CCDC39: variants seen among roughly 807,000 people sequenced by gnomAD.
CCDC39 encodes coiled-coil domain 39 molecular ruler complex subunit.
A neutral mutation model predicts 121.0 loss-of-function variants in CCDC39; 113 were observed. The observed-to-expected ratio is 0.93, with a 90% CI of 0.80 to 1.09. The LOEUF is 1.09. CCDC39 is among the 50% of genes least tolerant of loss of function. CCDC39 has a pLI of 0.00. For synonymous variants in CCDC39, 349 were observed against 352.2 expected (o/e 0.99, Z 0.10); for missense variants, 1,063 against 1,074.7 (o/e 0.99, Z 0.15).
At chr3:180,636,602 C>T (rs1197947063) in intron 13 of CCDC39, among the ~76,000 whole-genome samples, 3 of 149,624 alleles carry the variant, frequency 2.0e-5, no homozygotes, top group African/African-American at 7.4e-5. Context: ...TCATATGGAA[C>T]CAAAAAAGAG....
intron 1 of CCDC39, among the ~76,000 whole-genome samples, chr3:180,677,825 G>A (rs1025080522): frequency 6.6e-6 from 1 of 152,100 alleles, no homozygotes; most frequent in African/African-American, 2.4e-5. Flanking sequence ...ACACTTTGGA[G>A]AGGAAATACC....
rs1401333 is a variant in CCDC39 at position 180,654,750 on chromosome 3, G to T, written c.930+12C>A. On this transcript the variant is annotated intron_variant, in intron 7 of 19. Coordinates refer to ENST00000476379, the MANE Select transcript of CCDC39 (RefSeq NM_181426.2). The stretch of plus-strand genomic sequence containing the variant: ...GTGAACATACAAGCCAGTCTTTTTT[G>T]AGTTGACATACCTCACCCTTCAGCT... 1 of 1,575,248 alleles carries T rather than the reference G, an allele frequency of 6.3e-7. No homozygotes were observed. Among genetic ancestry groups the T allele is most frequent in the South Asian group, 1.2e-5 (1 of 85,578 alleles).
chr3:180,648,167 G>A lies in CCDC39; in HGVS notation c.1360C>T (p.Gln454Ter). The A allele has an allele frequency of 6.2e-7, 1 of 1,608,236 alleles. No homozygotes were observed. Among genetic ancestry groups the A allele is most frequent in the South Asian group, 1.1e-5 (1 of 90,782 alleles). The change falls in exon 10 of 20, where the codon CAG becomes TAG. Residue 454 changes from glutamine to a stop codon, truncating the protein, a stop_gained and splice_region_variant. Transcript: ENST00000476379. LOFTEE classifies it high-confidence loss of function. ...ATATTCATAAAAGTAACATCTACCT[G>A]GCTGTACATAATTTCTTGCTGCTTC... The part of the protein sequence containing the change: ...TLKQQEIMYS[Q>*]DFHIQQVERR...
At chr3:180,665,063 CAG>C (rs1265037697) in intron 1 of CCDC39, among the ~76,000 whole-genome samples, 2 of 152,016 alleles carry the variant, frequency 1.3e-5, no homozygotes, top group Admixed American at 1.3e-4. Flanking sequence ...GTAACAAAAA[CAG>C]AGCAGGAACC....
intron 11 of CCDC39, among the ~76,000 whole-genome samples, chr3:180,646,518 C>T (rs1426645533): frequency 2.0e-5 from 3 of 152,070 alleles, no homozygotes; most frequent in African/African-American, 4.8e-5. Context: ...AAGATGAAGA[C>T]GTTCTAACCT....
At chr3:180,636,459 A>T (rs1184762630) in intron 13 of CCDC39, among the ~76,000 whole-genome samples, 2 of 151,936 alleles carry the variant, frequency 1.3e-5, no homozygotes. Context: ...TCAGCAGAAA[A>T]CTGATTTCTC....
chr3:180,662,141 T>C, intron 2 of CCDC39, 134 bp from the exon 3 acceptor site: 1 of 751,388 alleles, frequency 1.3e-6, no homozygotes, highest in Non-Finnish European at 2.1e-6. Flanking sequence ...ATTCCACTAC[T>C]CTAAAATCTA....
At position 180,651,731 on chromosome 3, in the gene CCDC39, T is replaced by C. The variant is rs555609367; in HGVS notation, c.1035-198A>G. Among the ~76,000 whole-genome samples the C allele has an allele frequency of 2.0e-5, 3 of 152,296 alleles. No homozygotes were observed. The South Asian group carries it at 6.2e-4, about 32-fold the overall frequency. ...TGTGATGAAAATATGAGTAAAATTT[T>C]TTTAAGTTTAATAACGTAGTAGCTG... is the stretch of plus-strand genomic sequence containing the variant. On this transcript the variant is annotated intron_variant, in intron 8 of 19. Transcript: ENST00000476379.
intron 1 of CCDC39, among the ~76,000 whole-genome samples, chr3:180,669,661 C>T (rs542797974): frequency 2.3e-4 from 35 of 152,064 alleles, no homozygotes; most frequent in Non-Finnish European, 4.6e-4. Context: ...TAAGGAAATA[C>T]ATTTTCCCAC....
chr3:180,623,473 C>T (rs1483390114), intron 14 of CCDC39, among the ~76,000 whole-genome samples: 1 of 151,670 alleles, frequency 6.6e-6, no homozygotes, highest in African/African-American at 2.4e-5. Context: ...TCTGTTATTG[C>T]TTTTGTTCTG....
intron 15 of CCDC39, among the ~76,000 whole-genome samples, chr3:180,619,584 C>T (rs1717367008): frequency 6.6e-6 from 1 of 150,956 alleles, no homozygotes; most frequent in Non-Finnish European, 1.5e-5. Flanking sequence ...AATTAATTAC[C>T]CTAGAGAGGT....
At chr3:180,651,561 G>A in intron 8 of CCDC39, 28 bp from the exon 9 acceptor site, 1 of 1,493,318 alleles carries the variant, frequency 6.7e-7, no homozygotes, top group Non-Finnish European at 8.9e-7. Flanking sequence ...CAAAAAGATA[G>A]AAAACGTGCC....
rs1349553590 is a variant in CCDC39 at position 180,654,797 on chromosome 3, C to T, written c.895G>A (p.Asp299Asn). ...AGCTGAATTCTACTAGTTTCATGGT[C>T]CTGATATGCCGTTCTACATTTTAAA... ...KLLKCRTAYQ[D>N]HETSRIQLKG... The change falls in exon 7 of 20, where the codon GAC (aspartate) becomes AAC (asparagine). Residue 299 changes from aspartate (D) to asparagine (N), a missense_variant. By Grantham distance (23) the Asp-to-Asn change is conservative. Transcript: ENST00000476379. The T allele has an allele frequency of 1.2e-6, 2 of 1,610,354 alleles. No homozygotes were observed. Among genetic ancestry groups the T allele is most frequent in the Non-Finnish European group, 1.7e-6 (2 of 1,178,406 alleles).
At chr3:180,674,861 T>C (rs1475447436) in intron 1 of CCDC39, among the ~76,000 whole-genome samples, 2 of 152,212 alleles carry the variant, frequency 1.3e-5, no homozygotes, top group Non-Finnish European at 2.9e-5. Flanking sequence ...CTTTTCGATA[T>C]GCTGCTGGAT....
At position 180,651,059 on chromosome 3, in the gene CCDC39, G is replaced by C. The variant is rs11929684; in HGVS notation, c.1167+342C>G. Among the ~76,000 whole-genome samples the C allele has an allele frequency of 5.0e-3, 764 of 152,016 alleles. 4 individuals are homozygous for C. The highest frequency in any genetic ancestry group is 0.017 in the African/African-American group (717 of 41,466). ...AAAATACAAAAATTAGCCAGGCGTG[G>C]TTGCAGGCACCTGTAATCCCAACTA... On this transcript the variant is annotated intron_variant, in intron 9 of 19. Coordinates refer to ENST00000476379, the MANE Select transcript of CCDC39 (RefSeq NM_181426.2).
intron 2 of CCDC39, 127 bp from the exon 3 acceptor site, chr3:180,662,134 C>T: frequency 1.3e-6 from 1 of 787,764 alleles, no homozygotes. Context: ...ACTACTAATT[C>T]CACTACTCTA....
At chr3:180,644,780 C>T (rs1718034255) in intron 11 of CCDC39, among the ~76,000 whole-genome samples, 2 of 152,238 alleles carry the variant, frequency 1.3e-5, no homozygotes, top group Admixed American at 1.3e-4. Context: ...TGTACATTTT[C>T]AATACAGATG....
chr3:180,679,465 C>T lies in CCDC39; in HGVS notation c.-85G>A. On this transcript the variant is annotated 5_prime_UTR_variant, in exon 1 of 20. The change creates a new upstream start codon in the 5' untranslated region. Transcript: ENST00000476379. This position sits in a 1 kb window ranked among gnomAD's most constrained non-coding sequence, Gnocchi z 4.0. ...GCAGCACCCGCGTCAAGCCCAGGCA[C>T]CTGCACAGTGCCGCGGCAATTGCCG... is the stretch of plus-strand genomic sequence containing the variant. 7.9e-7 allele frequency: 1 copy of T among 1,265,778 alleles called. No individual in the cohort carries two copies. The highest frequency in any genetic ancestry group is 1.2e-6 in the Non-Finnish European group (1 of 863,320). The allele number at this position is 1,265,778 out of a possible 1,614,324, so 78.4% of individuals were successfully genotyped here.
At chr3:180,621,674 A>G (rs1204878312) in intron 14 of CCDC39, among the ~76,000 whole-genome samples, 3 of 151,926 alleles carry the variant, frequency 2.0e-5, no homozygotes, top group African/African-American at 7.2e-5. Context: ...TTTTTTTGTC[A>G]CACAGGTAAT....
Sources: allele counts gnomAD v4.1 joint callset (sites outside exome capture counted in the v4.1 genomes callset), GRCh38; gene constraint gnomAD v4.1.1; non-coding constraint Gnocchi (gnomAD v3.1); transcripts MANE v1.5; gene names NCBI Gene and HGNC (gene_info 2026-07-23, HGNC 2026-07-21).